The following LYPLA1 variants were observed in gnomAD, a reference collection of about 807,000 sequenced individuals.
LYPLA1 encodes lysophospholipase 1.
A neutral mutation model predicts 34.0 loss-of-function variants in LYPLA1; 17 were observed. The observed-to-expected ratio is 0.50, with a 90% CI of 0.34 to 0.75. LYPLA1 has a LOEUF of 0.75. Among genes scored for constraint, LYPLA1 ranks in the 30% least tolerant of loss-of-function variants. The pLI is 0.01. For missense variants in LYPLA1, 203 were observed against 288.8 expected, an observed-to-expected ratio of 0.70 and a Z score of 2.15; for synonymous variants, 98 against 100.8, an observed-to-expected ratio of 0.97 and a Z score of 0.17.
intron 2 of LYPLA1, among the ~76,000 whole-genome samples, chr8:54,094,970 A>G (rs1209321836): frequency 2.0e-5 from 3 of 152,200 alleles, no homozygotes; most frequent in East Asian, 3.8e-4. Flanking sequence ...TAAGTAATAA[A>G]TAAAGGAGAA....
chr8:54,092,813 C>G (rs955004461), intron 2 of LYPLA1, among the ~76,000 whole-genome samples: 1 of 152,174 alleles, frequency 6.6e-6, no homozygotes, highest in East Asian at 1.9e-4. Flanking sequence ...GAGTCCCTGT[C>G]TCTACTTAAA....
chr8:54,064,635 T>TG (rs1428328239), intron 3 of LYPLA1, among the ~76,000 whole-genome samples: 2 of 152,216 alleles, frequency 1.3e-5, no homozygotes, highest in Non-Finnish European at 2.9e-5. Flanking sequence ...CCAACTCTAC[T>TG]GCTACTACCA....
Position 54,051,108 on chromosome 8 carries a change from A to G in LYPLA1, c.543T>C (p.Phe181=), listed in dbSNP as rs1805810154. 6.2e-7 allele frequency: 1 copy of G among 1,614,136 alleles called. No homozygotes were observed. Among genetic ancestry groups the G allele is most frequent in the Non-Finnish European group, 8.5e-7 (1 of 1,179,978 alleles). The part of the protein sequence containing the change: ...GDCDPLVPLM[F]GSLTVEKLKT... Reference sequence around the variant, plus strand: ...TTAGTTTTTCCACCGTAAGAGAACCAAACATCAGGGGAACCAAAGGGTCAC... The same window carrying G: ...TTAGTTTTTCCACCGTAAGAGAACCGAACATCAGGGGAACCAAAGGGTCAC... Residue 181 remains phenylalanine (F), a synonymous_variant, in exon 8 of 9, where the codon TTT becomes TTC. Coordinates refer to ENST00000316963, the MANE Select transcript of LYPLA1 (RefSeq NM_006330.4).
intron 5 of LYPLA1, among the ~76,000 whole-genome samples, chr8:54,060,274 C>A (rs376922244): frequency 3.7e-4 from 56 of 152,094 alleles, no homozygotes; most frequent in Admixed American, 4.6e-4. Context: ...TACGGGCAGG[C>A]GCTACCATGC....
At chr8:54,044,520 T>C (rs368989505), downstream of LYPLA1, among the ~76,000 whole-genome samples, 1 of 152,100 alleles carries the variant, frequency 6.6e-6, no homozygotes, top group African/African-American at 2.4e-5. Flanking sequence ...TGATTTCATC[T>C]CTCCCAGTCC....
chr8:54,101,301 T>C, intron 1 of LYPLA1: 1 of 1,066,348 alleles, frequency 9.4e-7, no homozygotes, highest in Non-Finnish European at 1.1e-6. Context: ...GAGGCAAAAA[T>C]AAGTTTGACT....
chr8:54,059,669 T>C (rs1354499334), intron 5 of LYPLA1, among the ~76,000 whole-genome samples: 2 of 152,228 alleles, frequency 1.3e-5, no homozygotes, highest in Non-Finnish European at 2.9e-5. Context: ...CAGTGGCTCA[T>C]GCCTGTAATC....
chr8:54,053,095 CTTT>C (rs374207905), intron 6 of LYPLA1: 144 of 158,682 alleles, frequency 9.1e-4, no homozygotes, highest in South Asian at 3.1e-3. Context: ...ATTGGTATTA[CTTT>C]TTTTTTTTTT....
At chr8:54,065,710 G>A in intron 3 of LYPLA1, 38 bp downstream of exon 3, 1 of 1,561,710 alleles carries the variant, frequency 6.4e-7, no homozygotes, top group Non-Finnish European at 8.8e-7. Flanking sequence ...CTCCTCTCCA[G>A]ACTCTGAATC....
chr8:54,085,876 C>T (rs566500429), intron 2 of LYPLA1, among the ~76,000 whole-genome samples: 205 of 151,670 alleles, frequency 1.4e-3, no homozygotes, highest in African/African-American at 3.7e-3. Context: ...TCTGCCCAGC[C>T]GCCCCGTCTG....
At chr8:54,089,455 C>G (rs1333734523) in intron 2 of LYPLA1, among the ~76,000 whole-genome samples, 2 of 136,906 alleles carry the variant, frequency 1.5e-5, no homozygotes, top group African/African-American at 5.8e-5. Context: ...AACATAGTAT[C>G]ATAGGGTTTG....
intron 2 of LYPLA1, among the ~76,000 whole-genome samples, chr8:54,073,847 T>C (rs1401807979): frequency 6.6e-6 from 1 of 152,262 alleles, no homozygotes; most frequent in African/African-American, 2.4e-5. Flanking sequence ...CATGTAATTC[T>C]ACCAAAGTCT....
chr8:54,098,737 G>GT (rs1227977944), intron 2 of LYPLA1, among the ~76,000 whole-genome samples: 8 of 152,120 alleles, frequency 5.3e-5, no homozygotes, highest in African/African-American at 1.9e-4. Context: ...AACTTATAAA[G>GT]TATTTCTGGA....
chr8:54,101,670 C>G (rs1432559106), intron 1 of LYPLA1, 85 bp downstream of exon 1: 3 of 1,177,884 alleles, frequency 2.5e-6, no homozygotes. Flanking sequence ...GGCCGCCACG[C>G]GCCCGCAACG....
intron 2 of LYPLA1, among the ~76,000 whole-genome samples, chr8:54,090,935 G>A (rs561217258): frequency 2.0e-5 from 3 of 152,318 alleles, no homozygotes; most frequent in East Asian, 1.9e-4. Flanking sequence ...ACCCTGTGAA[G>A]AGGTGCCTTC....
chr8:54,045,388 A>G (rs1165605489), downstream of LYPLA1, among the ~76,000 whole-genome samples: 4 of 152,250 alleles, frequency 2.6e-5, no homozygotes, highest in Non-Finnish European at 5.9e-5. Flanking sequence ...TAATTAGATC[A>G]TAACAGTCAG....
At chr8:54,085,411 A>T (rs1304603578) in intron 2 of LYPLA1, among the ~76,000 whole-genome samples, 1 of 152,002 alleles carries the variant, frequency 6.6e-6, no homozygotes, top group Non-Finnish European at 1.5e-5. Context: ...CCGCCACCCC[A>T]TCTAGGAAGT....
chr8:54,045,476 T>C (rs1805454675), downstream of LYPLA1: 1 of 152,176 alleles, frequency 6.6e-6, no homozygotes, highest in Non-Finnish European at 1.5e-5. Flanking sequence ...TCATATGAAA[T>C]ACAGTGCTGA....
At chr8:54,081,351 T>C (rs1040863439) in intron 2 of LYPLA1, among the ~76,000 whole-genome samples, 2 of 152,022 alleles carry the variant, frequency 1.3e-5, no homozygotes, top group African/African-American at 4.8e-5. Flanking sequence ...TTCCCTACTA[T>C]ATACACAGTT....
Sources: allele counts gnomAD v4.1 joint callset (sites outside exome capture counted in the v4.1 genomes callset), GRCh38; gene constraint gnomAD v4.1.1; transcripts MANE v1.5; gene names NCBI Gene and HGNC (gene_info 2026-07-23, HGNC 2026-07-21).